The following SCRG1 variants were observed in gnomAD, a reference collection of about 807,000 sequenced individuals.
The protein encoded by SCRG1 is scrapie-responsive protein 1.
SCRG1 carries 3 observed loss-of-function variants against 7.7 expected under a neutral mutation model. That is an observed-to-expected ratio of 0.39 (90% CI 0.18 to 1.01). SCRG1 has a LOEUF of 1.01. Among genes scored for constraint, SCRG1 ranks in the 50% least tolerant of loss-of-function variants. The probability of loss-of-function intolerance (pLI) is 0.36; values close to 1 mark genes in which losing one functional copy is unlikely to be tolerated. For missense variants in SCRG1, 110 were observed against 117.2 expected (o/e 0.94, Z 0.28); for synonymous variants, 46 against 41.2 (o/e 1.12, Z -0.44).
At chr4:173,419,080 A>T in the SCRG1 span, among the ~76,000 whole-genome samples, 1 of 152,120 alleles carries the variant, frequency 6.6e-6, no homozygotes, top group African/African-American at 2.4e-5. Context: ...TGAGGCTCTC[A>T]CCTCCTTCAA....
chr4:173,420,612 G>A, the SCRG1 span, among the ~76,000 whole-genome samples: 2 of 151,994 alleles, frequency 1.3e-5, no homozygotes, highest in Non-Finnish European at 2.9e-5. Flanking sequence ...ACAATTTGGC[G>A]GTAGTGATTA....
chr4:173,501,245 A>G, the SCRG1 span, among the ~76,000 whole-genome samples: 1 of 152,108 alleles, frequency 6.6e-6, no homozygotes, highest in Admixed American at 6.5e-5. This position sits in a 1 kb window ranked among gnomAD's most constrained non-coding sequence, Gnocchi z 5.1. Context: ...GGTGAAGGAG[A>G]TTGGCGCCAA....
chr4:173,471,883 A>AT, the SCRG1 span, among the ~76,000 whole-genome samples: 1 of 152,086 alleles, frequency 6.6e-6, no homozygotes. Context: ...CTAATTTTGT[A>AT]TTTTTAGTAG....
the SCRG1 span, among the ~76,000 whole-genome samples, chr4:173,421,719 A>G: frequency 6.6e-6 from 1 of 152,200 alleles, no homozygotes; most frequent in Admixed American, 6.5e-5. Flanking sequence ...GCAGGGGTAG[A>G]TTCTCTTACG....
the SCRG1 span, among the ~76,000 whole-genome samples, chr4:173,466,935 C>T: frequency 6.6e-6 from 1 of 151,864 alleles, no homozygotes; most frequent in Non-Finnish European, 1.5e-5. Flanking sequence ...CATGAGTGTC[C>T]ACAGGAAAAA....
the SCRG1 span, among the ~76,000 whole-genome samples, chr4:173,507,356 C>T: frequency 6.6e-6 from 1 of 152,112 alleles, no homozygotes. This position sits in a 1 kb window ranked among gnomAD's most constrained non-coding sequence, Gnocchi z 4.4. Context: ...ATTACAGGCG[C>T]CTGCCACCAC....
chr4:173,476,379 T>TAA, the SCRG1 span, among the ~76,000 whole-genome samples: 2 of 137,254 alleles, frequency 1.5e-5, no homozygotes, highest in African/African-American at 5.1e-5. Context: ...TATATATATA[T>TAA]AATGAATTGA....
chr4:173,451,670 ATTTATTTATTTATTT>A, the SCRG1 span, among the ~76,000 whole-genome samples: 604 of 141,806 alleles, frequency 4.3e-3, 2 homozygotes, highest in Middle Eastern at 7.1e-3. Flanking sequence ...TTATTTATTT[ATTTATTTATTTATTT>A]TGAGACAGAG....
the SCRG1 span, among the ~76,000 whole-genome samples, chr4:173,460,062 C>T: frequency 1.1e-4 from 16 of 152,156 alleles, no homozygotes; most frequent in Non-Finnish European, 2.2e-4. Flanking sequence ...GCCCCGCCAC[C>T]GCCCTGCAAG....
At chr4:173,396,370 G>A (rs1463135588) in intron 1 of SCRG1, among the ~76,000 whole-genome samples, 9 of 152,194 alleles carry the variant, frequency 5.9e-5, no homozygotes, top group Non-Finnish European at 1.0e-4. Flanking sequence ...GGGCAGTAAA[G>A]GTAGATCCAG....
chr4:173,487,309 C>G, the SCRG1 span, among the ~76,000 whole-genome samples: 7 of 152,230 alleles, frequency 4.6e-5, no homozygotes, highest in Non-Finnish European at 1.0e-4. Flanking sequence ...CACTTCAACA[C>G]AAGCAATCTA....
chr4:173,418,617 T>G, the SCRG1 span, among the ~76,000 whole-genome samples: 305 of 152,316 alleles, frequency 2.0e-3, 3 homozygotes, highest in South Asian at 0.016. Flanking sequence ...TCTGTGAAAA[T>G]GGACACTACT....
chr4:173,394,885 T>C (rs969958560), intron 1 of SCRG1, among the ~76,000 whole-genome samples: 8 of 152,352 alleles, frequency 5.3e-5, no homozygotes, highest in Admixed American at 4.6e-4. Flanking sequence ...TTTAGTAATA[T>C]AGTAGTCAGT....
chr4:173,512,158 A>G, the SCRG1 span, among the ~76,000 whole-genome samples: 1 of 152,216 alleles, frequency 6.6e-6, no homozygotes, highest in Non-Finnish European at 1.5e-5. Flanking sequence ...TGCAGGGGGC[A>G]GAGGGTTTGG....
At chr4:173,436,793 C>T in the SCRG1 span, among the ~76,000 whole-genome samples, 2 of 152,152 alleles carry the variant, frequency 1.3e-5, no homozygotes, top group African/African-American at 4.8e-5. Context: ...GGCTGAACCA[C>T]CAACTTCGCA....
the SCRG1 span, among the ~76,000 whole-genome samples, chr4:173,502,427 G>A: frequency 6.6e-6 from 1 of 152,188 alleles, no homozygotes; most frequent in Admixed American, 6.5e-5. This position sits in a 1 kb window ranked among gnomAD's most constrained non-coding sequence, Gnocchi z 4.6. Flanking sequence ...GAGCCCTGGA[G>A]TCAGAAGATT....
At chr4:173,398,060 T>A (rs1385577529) in intron 1 of SCRG1, among the ~76,000 whole-genome samples, 3 of 152,164 alleles carry the variant, frequency 2.0e-5, no homozygotes, top group Non-Finnish European at 2.9e-5. Context: ...TTTTTTAAAG[T>A]TCTCTTTTTT....
the SCRG1 span, chr4:173,446,557 G>T: frequency 1.3e-5 from 2 of 152,274 alleles, no homozygotes; most frequent in African/African-American, 4.8e-5. Flanking sequence ...AGTTAGTCAA[G>T]TTACCTCACT....
the SCRG1 span, among the ~76,000 whole-genome samples, chr4:173,482,994 T>G: frequency 7.6e-5 from 10 of 131,160 alleles, no homozygotes; most frequent in Non-Finnish European, 1.2e-4. Context: ...TATTATATAT[T>G]TCATATGTAT....
Sources: gnomAD v4.1 joint callset for allele counts (sites outside exome capture counted in the v4.1 genomes callset) on GRCh38, gnomAD v4.1.1 for gene constraint, Gnocchi (gnomAD v3.1) non-coding constraint, MANE v1.5 for transcripts, NCBI Gene and HGNC (gene_info 2026-07-23, HGNC 2026-07-21) for gene names.